Variants in MET observed in about 807,000 individuals in gnomAD.
MET encodes the protein hepatocyte growth factor receptor.
Under a neutral mutation model 133.1 loss-of-function variants are expected in MET, and 48 were observed. The observed-to-expected ratio is 0.36, with a 90% confidence interval of 0.29 to 0.46. MET has a LOEUF of 0.46. Ranked by LOEUF, MET falls within the 20% of genes least tolerant of loss-of-function variation. The probability of loss-of-function intolerance (pLI) is 1.00; values close to 1 mark genes in which losing one functional copy is unlikely to be tolerated. For synonymous variants in MET, 628 were observed against 616.5 expected (o/e 1.02, Z -0.28); for missense variants, 1,442 against 1,695.9 (o/e 0.85, Z 2.63).
chr7:116,699,677 G>A lies in MET; in HGVS notation c.593G>A (p.Gly198Asp), dbSNP rs2116592768. ...VKDRFINFFV[G>D]NTINSSYFPD... ...GACCGGTTCATCAACTTCTTTGTAG[G>A]CAATACCATAAATTCTTCTTATTTC... Residue 198 changes from glycine to aspartate, a missense_variant, in exon 2 of 21, where the codon GGC (glycine) becomes GAC (aspartate). Transcript: ENST00000397752. 2 of 1,613,956 alleles carry A rather than the reference G, an allele frequency of 1.2e-6. No homozygotes were observed. The highest frequency in any genetic ancestry group is 1.7e-6 in the Non-Finnish European group (2 of 1,179,954).
chr7:116,699,160 T>C lies in MET; in HGVS notation c.76T>C (p.Cys26Arg), dbSNP rs2116579595. ...CTTGGTGCAGAGGAGCAATGGGGAG[T>C]GTAAAGAGGCACTAGCAAAGTCCGA... is the stretch of plus-strand genomic sequence containing the variant. ...FTLVQRSNGE[C>R]KEALAKSEMN... Residue 26 changes from cysteine to arginine, a missense_variant, in exon 2 of 21, where the codon TGT becomes CGT. Transcript: ENST00000397752. The C allele has an allele frequency of 6.2e-7, 1 of 1,613,828 alleles. No homozygotes were observed.
intron 6 of MET, among the ~76,000 whole-genome samples, chr7:116,757,107 T>C (rs528885956): frequency 6.6e-6 from 1 of 152,084 alleles, no homozygotes; most frequent in South Asian, 2.1e-4. Context: ...CCAGATGCCG[T>C]GGCATGCACC....
At chr7:116,704,161 A>G (rs902309427) in intron 2 of MET, among the ~76,000 whole-genome samples, 2 of 152,084 alleles carry the variant, frequency 1.3e-5, no homozygotes, top group Admixed American at 6.6e-5. Flanking sequence ...TCTCATTGGT[A>G]TCATGCAGAT....
At chr7:116,702,137 C>T (rs771574814) in intron 2 of MET, among the ~76,000 whole-genome samples, 1 of 152,060 alleles carries the variant, frequency 6.6e-6, no homozygotes, top group Non-Finnish European at 1.5e-5. Flanking sequence ...CAATGAAATT[C>T]AGGTCAGTTT....
At position 116,797,876 on chromosome 7, in the gene MET, G is replaced by T. The variant is rs1795723500; in HGVS notation, c.*1752G>T. ...GGGTGTGTCACACTGAAACTCAATA[G>T]TTGAGTTTGGCTGTTGTTGCAGGAA... On this transcript the variant is annotated 3_prime_UTR_variant, in exon 21 of 21. Transcript: ENST00000397752. 1 of 224,628 alleles carries T rather than the reference G, an allele frequency of 4.5e-6. No individual in the cohort carries two copies. Among genetic ancestry groups the T allele is most frequent in the Non-Finnish European group, 8.9e-6 (1 of 112,652 alleles). 13.9% of individuals were successfully genotyped at this position (224,628 alleles called of 1,614,324 possible).
chr7:116,745,867 T>A (rs1223222010), intron 5 of MET, among the ~76,000 whole-genome samples: 1 of 152,188 alleles, frequency 6.6e-6, no homozygotes, highest in African/African-American at 2.4e-5. Context: ...GACATAGGCG[T>A]GGGCAAGGAC....
chr7:116,782,190 T>G lies in MET; in HGVS notation c.3632+93T>G, dbSNP rs1045483910. 1.0e-5 allele frequency: 9 copies of G among 892,438 alleles called. No individual in the cohort carries two copies. The African/African-American group carries it at 1.5e-4, about 15-fold the overall frequency. The allele number at this position is 892,438 out of a possible 1,614,324, so 55.3% of individuals were successfully genotyped here. ...CAATGCTAGTTAAGCTGTTTTCTCT[T>G]CTTATGCAAAAGTCCTTTATTTCTG... On this transcript the variant is annotated intron_variant, in intron 18 of 20. Coordinates refer to ENST00000397752, the MANE Select transcript of MET (RefSeq NM_000245.4).
At chr7:116,758,845 CA>C (rs1794288583) in intron 9 of MET, among the ~76,000 whole-genome samples, 1 of 152,158 alleles carries the variant, frequency 6.6e-6, no homozygotes, top group African/African-American at 2.4e-5. Context: ...TGTTCTATTA[CA>C]TTTAAACAGA....
At chr7:116,715,193 A>G (rs1463061458) in intron 2 of MET, among the ~76,000 whole-genome samples, 1 of 152,246 alleles carries the variant, frequency 6.6e-6, no homozygotes, top group Non-Finnish European at 1.5e-5. Context: ...CAGAGCTCCC[A>G]TAACAAATTA....
chr7:116,779,080 A>G, intron 17 of MET, 123 bp downstream of exon 17: 1 of 970,320 alleles, frequency 1.0e-6, no homozygotes. Flanking sequence ...AAATGTTAGC[A>G]TCATTCAAAT....
intron 3 of MET, among the ~76,000 whole-genome samples, chr7:116,735,651 A>C (rs1266531077): frequency 6.6e-6 from 1 of 152,228 alleles, no homozygotes; most frequent in Non-Finnish European, 1.5e-5. Context: ...CAACTTGAAC[A>C]ATGATTCTCT....
At chr7:116,744,755 G>A (rs181121462) in intron 5 of MET, among the ~76,000 whole-genome samples, 1 of 152,128 alleles carries the variant, frequency 6.6e-6, no homozygotes, top group African/African-American at 2.4e-5. Flanking sequence ...CACCAAGGTT[G>A]CAATGAAGGA....
chr7:116,737,294 T>C (rs1364892164), intron 3 of MET, among the ~76,000 whole-genome samples: 1 of 152,232 alleles, frequency 6.6e-6, no homozygotes, highest in Non-Finnish European at 1.5e-5. Context: ...CCTCAAAAAC[T>C]AGTTAGATGC....
chr7:116,755,605 T>A (rs2116912123), intron 6 of MET, 90 bp downstream of exon 6: 1 of 1,514,172 alleles, frequency 6.6e-7, no homozygotes, highest in Non-Finnish European at 9.1e-7. Context: ...CTCAAGAAGC[T>A]CATCTCTTGA....
At position 116,798,310 on chromosome 7, in the gene MET, A is replaced by G. The variant is rs1433097066; in HGVS notation, c.*2186A>G. On this transcript the variant is annotated 3_prime_UTR_variant, in exon 21 of 21. Coordinates refer to ENST00000397752, the MANE Select transcript of MET (RefSeq NM_000245.4). ...TTGTCACTGCCTATACCTGCAGCTG[A>G]ACTGAATGGTACTTCGTATGTTAAT... 2 of 201,058 alleles carry G rather than the reference A, an allele frequency of 9.9e-6. No individual in the cohort carries two copies. Among genetic ancestry groups the G allele is most frequent in the Non-Finnish European group, 2.1e-5 (2 of 97,336 alleles). The allele number at this position is 201,058 out of a possible 1,614,324, so 12.5% of individuals were successfully genotyped here. A position where few individuals can be genotyped will look rare whatever the true frequency, so the allele number is the denominator to read the frequency against.
At position 116,754,039 on chromosome 7, in the gene MET, G is replaced by A. The variant is rs566454800; in HGVS notation, c.1702-1316G>A. Among the ~76,000 whole-genome samples the A allele has an allele frequency of 3.9e-5, 6 of 152,294 alleles. No homozygotes were observed. In the East Asian group the frequency reaches 1.2e-3, roughly 29 times the overall value. The stretch of plus-strand genomic sequence containing the variant: ...AGTCCTGTCTACTAGAGAGGCTGAG[G>A]CGGGAGGATTGCTTGAGCCCAGGAG... On this transcript the variant is annotated intron_variant, in intron 5 of 20. Transcript: ENST00000397752.
intron 5 of MET, among the ~76,000 whole-genome samples, chr7:116,748,021 G>A (rs924672361): frequency 2.0e-5 from 3 of 152,172 alleles, no homozygotes; most frequent in Non-Finnish European, 4.4e-5. Flanking sequence ...TGAGGCGGGC[G>A]GATCACAAGG....
chr7:116,780,258 A>G (rs1317014866), intron 17 of MET, among the ~76,000 whole-genome samples: 1 of 151,958 alleles, frequency 6.6e-6, no homozygotes, highest in Non-Finnish European at 1.5e-5. Flanking sequence ...AGAAGGCCTC[A>G]AGCTCCGTCT....
At chr7:116,736,487 G>T (rs369018334) in intron 3 of MET, among the ~76,000 whole-genome samples, 2 of 151,984 alleles carry the variant, frequency 1.3e-5, no homozygotes, top group Admixed American at 1.3e-4. Context: ...TAATAAAACG[G>T]TTTAATTAAA....
Sources: gnomAD v4.1 joint callset for allele counts (sites outside exome capture counted in the v4.1 genomes callset) on GRCh38, gnomAD v4.1.1 for gene constraint, MANE v1.5 for transcripts, NCBI Gene and HGNC (gene_info 2026-07-23, HGNC 2026-07-21) for gene names.